SHC2: variants seen among roughly 807,000 people sequenced by gnomAD.
The protein encoded by SHC2 is SHC-transforming protein 2.
SHC2 carries 62 observed loss-of-function variants against 60.6 expected under a neutral mutation model. That is an observed-to-expected ratio of 1.02 (90% CI 0.83 to 1.26). SHC2 has a LOEUF of 1.26. Ranked by LOEUF, SHC2 falls within the 50% of genes most tolerant of loss-of-function variation. The probability of loss-of-function intolerance (pLI) is 0.00; values close to 1 mark genes in which losing one functional copy is unlikely to be tolerated. For synonymous variants in SHC2, 375 were observed against 372.4 expected (o/e 1.01, Z -0.08); for missense variants, 873 against 822.2 (o/e 1.06, Z -0.76).
In SHC2 at chr19:441,119, G is replaced by A. The variant is rs572994735; in HGVS notation, c.469-187C>T. On this transcript the variant is annotated intron_variant, in intron 1 of 12. Transcript: ENST00000264554. The surrounding 1 kb of genome is among the most constrained non-coding windows in gnomAD (Gnocchi z 4.9). ...CAGCCTTGACACTGTCCTGCGAGCCGCCCCCTCTGACTCCAGGCATGTTTT... is the reference window on the plus strand; with the variant it reads ...CAGCCTTGACACTGTCCTGCGAGCCACCCCCTCTGACTCCAGGCATGTTTT... 1.3e-5 allele frequency: 13 copies of A among 984,734 alleles called. No homozygotes were observed. The South Asian group carries it at 2.4e-4, about 18-fold the overall frequency. The allele number at this position is 984,734 out of a possible 1,614,324, so 61.0% of individuals were successfully genotyped here. A position where few individuals can be genotyped will look rare whatever the true frequency, so the allele number is the denominator to read the frequency against.
chr19:421,433 G>A (rs7408302), intron 11 of SHC2, among the ~76,000 whole-genome samples: 103,380 of 147,118 alleles, frequency 0.7, 36,485 homozygotes, highest in East Asian at 0.88. Flanking sequence ...AAAAGAAAAA[G>A]AGAGAAAAAA....
chr19:430,595 G>C, intron 9 of SHC2, 89 bp downstream of exon 9: 1 of 977,468 alleles, frequency 1.0e-6, no homozygotes, highest in South Asian at 1.5e-5. Flanking sequence ...AAGCAGAGAG[G>C]AGAAAGACTG....
intron 1 of SHC2, among the ~76,000 whole-genome samples, chr19:458,589 G>C: frequency 7.0e-6 from 1 of 143,144 alleles, no homozygotes; most frequent in Non-Finnish European, 1.5e-5. Context: ...GCGGGTTCCG[G>C]GGGACGGGGA....
chr19:418,977 G>A lies in SHC2; in HGVS notation c.1700C>T (p.Ala567Val), dbSNP rs747172526. Residue 567 changes from alanine (A) to valine (V), a missense_variant, in exon 12 of 13, where the codon GCC (alanine) becomes GTC (valine). By Grantham distance (64) the Ala-to-Val change is moderately conservative. Coordinates refer to ENST00000264554, the MANE Select transcript of SHC2 (RefSeq NM_012435.3). ...ACGCAGGTGCAGCTCACTCTCGGCG[G>A]CCACGATGGGCTGCCCGTTCTGCAG... ...HHLQNGQPIVAAESELHLRGV... is the reference protein window; with the variant it reads ...HHLQNGQPIVVAESELHLRGV... 6.3e-7 allele frequency: 1 copy of A among 1,585,262 alleles called. No homozygotes were observed. The highest frequency in any genetic ancestry group is 1.2e-5 in the South Asian group (1 of 86,614).
intron 8 of SHC2, 83 bp downstream of exon 8, chr19:434,626 G>A: frequency 8.1e-7 from 1 of 1,231,716 alleles, no homozygotes; most frequent in African/African-American, 3.3e-5. Context: ...GAGAACAGGA[G>A]CAGAAAGAAG....
intron 1 of SHC2, among the ~76,000 whole-genome samples, chr19:450,180 G>A (rs4919869): frequency 0.18 from 27,826 of 152,112 alleles, 2,788 homozygotes; most frequent in Middle Eastern, 0.25. Context: ...TACAGGAGGG[G>A]GGGGACTCAC....
At chr19:451,320 C>G (rs73916983) in intron 1 of SHC2, among the ~76,000 whole-genome samples, 17,642 of 144,758 alleles carry the variant, frequency 0.12, 2,003 homozygotes, top group African/African-American at 0.31. Flanking sequence ...CATATTTCAG[C>G]GTGTGGATGG....
intron 1 of SHC2, among the ~76,000 whole-genome samples, chr19:454,731 G>A (rs534224190): frequency 7.9e-5 from 12 of 152,198 alleles, no homozygotes; most frequent in African/African-American, 2.6e-4. Context: ...CGGAGGTTGC[G>A]GTGAGCCGAG....
At position 460,530 on chromosome 19, in the gene SHC2, C is replaced by G; in HGVS notation, c.467G>C (p.Arg156Pro). 1.5e-6 allele frequency: 2 copies of G among 1,357,432 alleles called. No homozygotes were observed. The highest frequency in any genetic ancestry group is 1.9e-6 in the Non-Finnish European group (2 of 1,049,518). 84.1% of individuals were successfully genotyped at this position (1,357,432 alleles called of 1,614,324 possible). A position where few individuals can be genotyped will look rare whatever the true frequency, so the allele number is the denominator to read the frequency against. Residue 156 changes from arginine to proline, a missense_variant and splice_region_variant, in exon 1 of 13, where the codon CGG becomes CCG. Arg to Pro is a moderately radical substitution (Grantham distance 103). Transcript: ENST00000264554. ...VLGPGVSYVV[R>P]YMGCIEVLRS... ...CCGGGGGGGGTGGGGGGGACTCACC[C>G]GCACGACGTAGGAGACCCCGGGCCC...
intron 11 of SHC2, among the ~76,000 whole-genome samples, chr19:421,076 GAAGA>G (rs897123315): frequency 6.7e-6 from 1 of 148,362 alleles, no homozygotes; most frequent in African/African-American, 2.5e-5. Flanking sequence ...AGGAAGAAAA[GAAGA>G]AAGAAAAGAG....
At chr19:430,549 T>G in intron 9 of SHC2, 135 bp downstream of exon 9, 1 of 683,106 alleles carries the variant, frequency 1.5e-6, no homozygotes, top group Admixed American at 3.0e-5. Context: ...CAGCAGAGTG[T>G]TAGGAGCAAG....
rs112210080 is a variant in SHC2 at position 460,951 on chromosome 19, G to A, written c.46C>T (p.Pro16Ser). The part of the protein sequence containing the change: ...GGRAPPAPPA[P>S]PEPEAPTTFC... Reference sequence around the variant, plus strand: ...GTGGTGGGCGCCTCGGGCTCGGGGGGCGCGGGGGGCGCCGGGGGCGCGCGC... The same window carrying A: ...GTGGTGGGCGCCTCGGGCTCGGGGGACGCGGGGGGCGCCGGGGGCGCGCGC... Residue 16 changes from proline to serine, a missense_variant, in exon 1 of 13, where the codon CCC (proline) becomes TCC (serine). Physicochemically the swap from Pro to Ser is moderately conservative, Grantham distance 74. Transcript: ENST00000264554. 1.0e-5 allele frequency: 10 copies of A among 985,354 alleles called. No homozygotes were observed. The highest frequency in any genetic ancestry group is 3.6e-5 in the African/African-American group (2 of 56,186). 61.0% of individuals were successfully genotyped at this position (985,354 alleles called of 1,614,324 possible).
rs1974404199 is a variant in SHC2, at chr19:425,896, G to T, written c.1175-665C>A. On this transcript the variant is annotated intron_variant, in intron 9 of 12. Transcript: ENST00000264554. The surrounding 1 kb of genome is among the most constrained non-coding windows in gnomAD (Gnocchi z 4.1). Reference sequence around the variant, plus strand: ...ATGCAAAAATTAGCTAGGCGTGGTGGTGGGCGCCTGCAATCCCAGCTATTT... The same window carrying T: ...ATGCAAAAATTAGCTAGGCGTGGTGTTGGGCGCCTGCAATCCCAGCTATTT... 6.6e-6 allele frequency among the ~76,000 whole-genome samples: 1 copy of T among 152,136 alleles called. No individual in the cohort carries two copies. The highest frequency in any genetic ancestry group is 2.4e-5 in the African/African-American group (1 of 41,432).
chr19:448,395 C>T (rs11672043), intron 1 of SHC2, among the ~76,000 whole-genome samples: 51,245 of 152,054 alleles, frequency 0.34, 8,643 homozygotes, highest in Middle Eastern at 0.43. Context: ...CCCGGCGTCC[C>T]GGGCTTGTGG....
chr19:450,644 G>A (rs73489616), intron 1 of SHC2, among the ~76,000 whole-genome samples: 5,067 of 152,262 alleles, frequency 0.033, 281 homozygotes, highest in African/African-American at 0.11. Context: ...AGGTCCGTCC[G>A]TGCCGTGGCC....
rs1398198709 is a variant in SHC2, at chr19:453,929, G to A, written c.468+6600C>T. ...ACTCACGGGACTTCTGTGTATGGAC[G>A]AGCCCAGCGCCAAAATGGTACGTGT... On this transcript the variant is annotated intron_variant, in intron 1 of 12. Coordinates refer to ENST00000264554, the MANE Select transcript of SHC2 (RefSeq NM_012435.3). This position sits in a 1 kb window ranked among gnomAD's most constrained non-coding sequence, Gnocchi z 6.3. Among the ~76,000 whole-genome samples, 2 of 152,192 alleles carry A rather than the reference G, an allele frequency of 1.3e-5. No individual in the cohort carries two copies. Among genetic ancestry groups the A allele is most frequent in the South Asian group, 2.1e-4 (1 of 4,830 alleles).
chr19:435,978 G>A, intron 7 of SHC2, 187 bp downstream of exon 7: 2 of 612,358 alleles, frequency 3.3e-6, no homozygotes, highest in Non-Finnish European at 5.6e-6. Context: ...GGCAGGCGGG[G>A]ATGCGTTTAC....
rs1269206821 is a variant in SHC2 at position 438,734 on chromosome 19, A to T, written c.704T>A (p.Val235Glu). The change falls in exon 4 of 13, where the codon GTG becomes GAG. Residue 235 changes from valine to glutamate, a missense_variant. Val to Glu is a moderately radical substitution (Grantham distance 121, BLOSUM62 -2). Transcript: ENST00000264554. This position sits in a 1 kb window ranked among gnomAD's most constrained non-coding sequence, Gnocchi z 5.0. Reference protein sequence around the residue: ...HISTDGLSLSVPATRQVIANH... With the variant: ...HISTDGLSLSEPATRQVIANH... ...CAGACCCACCTGGCGCGTGGCAGGC[A>T]CGGAGAGGCTGAGGCCATCAGTGGA... 6.4e-7 allele frequency: 1 copy of T among 1,563,484 alleles called. No individual in the cohort carries two copies. Among genetic ancestry groups the T allele is most frequent in the Non-Finnish European group, 8.7e-7 (1 of 1,155,180 alleles).
At chr19:419,087 CG>C in intron 11 of SHC2, 31 bp from the exon 12 acceptor site, 1 of 1,549,270 alleles carries the variant, frequency 6.5e-7, no homozygotes, top group Admixed American at 1.9e-5. Context: ...CATCAGCTCC[CG>C]GGAGCCCGCC....
Sources: gnomAD v4.1 joint callset for allele counts (sites outside exome capture counted in the v4.1 genomes callset) on GRCh38, gnomAD v4.1.1 for gene constraint, Gnocchi (gnomAD v3.1) non-coding constraint, MANE v1.5 for transcripts, NCBI Gene and HGNC (gene_info 2026-07-23, HGNC 2026-07-21) for gene names.